The following SPOCD1 variants were observed in gnomAD, a reference collection of about 807,000 sequenced individuals.
The protein encoded by SPOCD1 is SPOC domain containing 1.
SPOCD1 carries 64 observed loss-of-function variants against 92.2 expected under a neutral mutation model. The observed-to-expected ratio is 0.69, with a 90% CI of 0.57 to 0.86. The LOEUF is 0.86. SPOCD1 is among the 40% of genes least tolerant of loss of function. The pLI is 0.00. For missense variants in SPOCD1, 1,360 were observed against 1,543.1 expected, an observed-to-expected ratio of 0.88 and a Z score of 1.99; for synonymous variants, 578 against 619.3, an observed-to-expected ratio of 0.93 and a Z score of 0.99.
intron 6 of SPOCD1, 87 bp from the exon 7 acceptor site, chr1:31,799,572 A>G: frequency 7.9e-7 from 1 of 1,269,166 alleles, no homozygotes. Flanking sequence ...TTAGGCAGAC[A>G]GGAGAGGGGT....
At chr1:31,801,167 G>A (rs1211917834) in intron 3 of SPOCD1, among the ~76,000 whole-genome samples, 1 of 152,194 alleles carries the variant, frequency 6.6e-6, no homozygotes, top group Non-Finnish European at 1.5e-5. Context: ...CCATTTCAAG[G>A]TGCAAAGTAG....
At chr1:31,812,078 T>C (rs1469634981) in intron 2 of SPOCD1, among the ~76,000 whole-genome samples, 1 of 152,194 alleles carries the variant, frequency 6.6e-6, no homozygotes, top group East Asian at 1.9e-4. Flanking sequence ...GGTAACCTAT[T>C]TGAGTATTTT....
In SPOCD1 at chr1:31,814,194, G is replaced by A. The variant is rs746124364; in HGVS notation, c.1140C>T (p.Leu380=). The part of the protein sequence containing the change: ...PASRGRLEQG[L]AAPADTCASS... ...TGGCACAGGTGTCAGCGGGGGCAGC[G>A]AGTCCTTGCTCCAGCCTTCCCCTGG... Residue 380 remains leucine (L), a synonymous_variant, in exon 2 of 16, where the codon CTC becomes CTT. Coordinates refer to ENST00000360482, the MANE Select transcript of SPOCD1 (RefSeq NM_144569.7). The surrounding 1 kb of genome is among the most constrained non-coding windows in gnomAD (Gnocchi z 4.2). 7.6e-6 allele frequency: 12 copies of A among 1,571,594 alleles called. No homozygotes were observed. The East Asian group carries it at 9.1e-5, about 12-fold the overall frequency.
At chr1:31,800,748 A>G (rs1173878500) in intron 3 of SPOCD1, 131 bp from the exon 4 acceptor site, 3 of 786,712 alleles carry the variant, frequency 3.8e-6, no homozygotes, top group African/African-American at 1.7e-5. Context: ...GATAGAGAAC[A>G]TGCCTGTCCT....
At position 31,800,667 on chromosome 1, in the gene SPOCD1, C is replaced by A. The variant is rs764401402; in HGVS notation, c.1426-50G>T. ...AGCAAGCGGGGCCAGCCGCTGTCCCCGCCTTCAGAGTGCTCGCCTCATCTG... is the reference window on the plus strand; with the variant it reads ...AGCAAGCGGGGCCAGCCGCTGTCCCAGCCTTCAGAGTGCTCGCCTCATCTG... On this transcript the variant is annotated intron_variant, in intron 3 of 15. Coordinates refer to ENST00000360482, the MANE Select transcript of SPOCD1 (RefSeq NM_144569.7). The A allele has an allele frequency of 4.0e-6, 6 of 1,500,274 alleles. No individual in the cohort carries two copies. The African/African-American group carries it at 6.9e-5, about 17-fold the overall frequency. 92.9% of individuals were successfully genotyped at this position (1,500,274 alleles called of 1,614,324 possible).
intron 2 of SPOCD1, among the ~76,000 whole-genome samples, chr1:31,804,488 AT>A (rs1222277385): frequency 6.6e-6 from 1 of 152,224 alleles, no homozygotes; most frequent in Non-Finnish European, 1.5e-5. Flanking sequence ...ACATAAAAAA[AT>A]AATATTTTCA....
Position 31,792,419 on chromosome 1 carries a change from G to C in SPOCD1, c.2776-18C>G. 6.2e-7 allele frequency: 1 copy of C among 1,611,090 alleles called. No homozygotes were observed. The highest frequency in any genetic ancestry group is 2.2e-5 in the East Asian group (1 of 44,816). ...CAGACGTCCTGCGGTGGCAGGAGGA[G>C]AGCAGCTGTAAGCGCAGTCATCCTC... On this transcript the variant is annotated intron_variant, in intron 14 of 15. Transcript: ENST00000360482.
rs1410614650 is a variant in SPOCD1 at position 31,814,444 on chromosome 1, G to GT, written c.889_890insA (p.Pro297HisfsTer57). 7 of 1,603,890 alleles carry GT rather than the reference G, an allele frequency of 4.4e-6. No individual in the cohort carries two copies. The highest frequency in any genetic ancestry group is 5.1e-6 in the Non-Finnish European group (6 of 1,174,624). On this transcript the variant is annotated frameshift_variant, in exon 2 of 16. Coordinates refer to ENST00000360482, the MANE Select transcript of SPOCD1 (RefSeq NM_144569.7). LOFTEE classifies it high-confidence loss of function. This position sits in a 1 kb window ranked among gnomAD's most constrained non-coding sequence, Gnocchi z 4.2. ...CCCGACAGGGCCACAGGGGCTGCCT[G>GT]GCTGGGGCCCATCCCCTGTAGCGGG...
intron 6 of SPOCD1, 139 bp downstream of exon 6, chr1:31,799,670 T>C (rs1648296145): frequency 2.1e-6 from 2 of 974,868 alleles, no homozygotes; most frequent in Admixed American, 2.2e-5. Flanking sequence ...CCCCCACCCC[T>C]TTGGGGAGGA....
rs766302431 is a variant in SPOCD1, at chr1:31,793,809, A to C, written c.2472T>G (p.Thr824=). The change falls in exon 12 of 16, where the codon ACT becomes ACG. Residue 824 remains threonine (T), a synonymous_variant. Transcript: ENST00000360482. ...DNIFQKALSQ[T]PMPAPEMPKT... is the part of the protein sequence containing the mutation. ...TGGGCATCTCTGGAGCAGGCATAGG[A>C]GTTTGGCTTAGGGCTTTCTGGAAGA... 5.0e-6 allele frequency: 8 copies of C among 1,613,980 alleles called. No individual in the cohort carries two copies. Among genetic ancestry groups the C allele is most frequent in the Non-Finnish European group, 1.7e-6 (2 of 1,180,016 alleles).
rs377017103 is a variant in SPOCD1 at position 31,793,701 on chromosome 1, C to G, written c.2534+46G>C. On this transcript the variant is annotated intron_variant, in intron 12 of 15. Coordinates refer to ENST00000360482, the MANE Select transcript of SPOCD1 (RefSeq NM_144569.7). The stretch of plus-strand genomic sequence containing the variant: ...CTGTTGCACCAGGTGGTGGCCTCCC[C>G]CTCAACCCTGCTGGGTTATCCACCT... 138 of 1,612,396 alleles carry G rather than the reference C, an allele frequency of 8.6e-5. 1 individual carries two copies. The highest frequency in any genetic ancestry group is 8.5e-4 in the Admixed American group (51 of 60,026).
chr1:31,804,690 G>GAAAAA (rs1331863998), intron 2 of SPOCD1, among the ~76,000 whole-genome samples: 1 of 151,694 alleles, frequency 6.6e-6, no homozygotes, highest in African/African-American at 2.4e-5. Flanking sequence ...ATCCCAGATA[G>GAAAAA]ATAAGATGAA....
At chr1:31,793,547 A>T (rs753645101) in intron 12 of SPOCD1, 119 bp from the exon 13 acceptor site, 1 of 1,505,750 alleles carries the variant, frequency 6.6e-7, no homozygotes, top group Admixed American at 2.0e-5. Context: ...ACACTGGCCC[A>T]AGCTTGGCCT....
intron 2 of SPOCD1, among the ~76,000 whole-genome samples, chr1:31,802,167 C>T (rs967348497): frequency 6.6e-6 from 1 of 151,432 alleles, no homozygotes; most frequent in Non-Finnish European, 1.5e-5. Context: ...GACTCCATCT[C>T]AAAAAAAAGG....
chr1:31,793,922 G>A (rs1647802962), intron 11 of SPOCD1, 25 bp from the exon 12 acceptor site: 1 of 1,599,442 alleles, frequency 6.3e-7, no homozygotes, highest in Non-Finnish European at 8.5e-7. Context: ...GGCAGGAGCT[G>A]AAACAGGGGC....
At chr1:31,793,933 A>G (rs757396854) in intron 11 of SPOCD1, 36 bp from the exon 12 acceptor site, 23 of 1,593,098 alleles carry the variant, frequency 1.4e-5, no homozygotes, top group Middle Eastern at 1.7e-4. Context: ...AAACAGGGGC[A>G]GCAGCAGCGC....
At chr1:31,806,442 T>C (rs1274884965) in intron 2 of SPOCD1, among the ~76,000 whole-genome samples, 2 of 152,232 alleles carry the variant, frequency 1.3e-5, no homozygotes, top group Admixed American at 6.5e-5. Context: ...ACATGTGTAC[T>C]TTTAAATATG....
At chr1:31,793,954 C>T in intron 11 of SPOCD1, 57 bp from the exon 12 acceptor site, 1 of 1,573,168 alleles carries the variant, frequency 6.4e-7, no homozygotes, top group South Asian at 1.2e-5. Context: ...TGAAGCCAGC[C>T]CAGGGCTTTA....
chr1:31,806,184 C>A (rs1168864465), intron 2 of SPOCD1, among the ~76,000 whole-genome samples: 4 of 150,764 alleles, frequency 2.7e-5, no homozygotes, highest in Non-Finnish European at 5.9e-5. Context: ...ATCTCTCTAA[C>A]TATTGATAAA....
Sources: gnomAD v4.1 joint callset for allele counts (sites outside exome capture counted in the v4.1 genomes callset) on GRCh38, gnomAD v4.1.1 for gene constraint, Gnocchi (gnomAD v3.1) non-coding constraint, MANE v1.5 for transcripts, NCBI Gene and HGNC (gene_info 2026-07-23, HGNC 2026-07-21) for gene names.